The following CIB2 variants were observed in gnomAD, a reference collection of about 807,000 sequenced individuals.
CIB2 encodes calcium and integrin binding family member 2.
CIB2 carries 19 observed loss-of-function variants against 23.1 expected under a neutral mutation model. That is an observed-to-expected ratio of 0.82 (90% confidence interval 0.57 to 1.21). The LOEUF is 1.21. Among genes scored for constraint, CIB2 ranks in the 50% most tolerant of loss-of-function variants. CIB2 has a pLI of 0.00. For missense variants in CIB2, 220 were observed against 241.5 expected (o/e 0.91, Z 0.59); for synonymous variants, 94 against 91.7 (o/e 1.03, Z -0.14).
intron 1 of CIB2, among the ~76,000 whole-genome samples, chr15:78,127,168 C>G (rs2074392581): frequency 6.6e-6 from 1 of 152,180 alleles, no homozygotes; most frequent in South Asian, 2.1e-4. Flanking sequence ...GTCCCAAAGG[C>G]ATCTCCCCAG....
At chr15:78,118,809 C>T (rs1028776736) in intron 2 of CIB2, among the ~76,000 whole-genome samples, 4 of 152,098 alleles carry the variant, frequency 2.6e-5, no homozygotes, top group African/African-American at 7.2e-5. Context: ...AAAACTGAAA[C>T]TCTGTACTAA....
intron 2 of CIB2, among the ~76,000 whole-genome samples, chr15:78,116,002 G>GA (rs111776723): frequency 0.093 from 13,887 of 148,528 alleles, 701 homozygotes; most frequent in Non-Finnish European, 0.13. Flanking sequence ...AAAATATTTG[G>GA]AAAAAAAAAA....
rs1425021799 is a variant in CIB2 at position 78,131,118 on chromosome 15, G to A, written c.51+47C>T. 2 of 1,510,654 alleles carry A rather than the reference G, an allele frequency of 1.3e-6. No individual in the cohort carries two copies. Among genetic ancestry groups the A allele is most frequent in the Non-Finnish European group, 1.8e-6 (2 of 1,119,276 alleles). The allele number at this position is 1,510,654 out of a possible 1,614,324, so 93.6% of individuals were successfully genotyped here. ...CCAGCGACCGAGAAAAGGGAGGGGCGGCGGGGCGGCGGGGCCTGTGTTGGG... is the reference window on the plus strand; with the variant it reads ...CCAGCGACCGAGAAAAGGGAGGGGCAGCGGGGCGGCGGGGCCTGTGTTGGG... On this transcript the variant is annotated intron_variant, in intron 1 of 5. Coordinates refer to ENST00000258930, the MANE Select transcript of CIB2 (RefSeq NM_006383.4). This position sits in a 1 kb window ranked among gnomAD's most constrained non-coding sequence, Gnocchi z 5.8.
intron 2 of CIB2, among the ~76,000 whole-genome samples, chr15:78,116,883 C>A (rs920973947): frequency 6.6e-6 from 1 of 151,452 alleles, no homozygotes; most frequent in Non-Finnish European, 1.5e-5. Flanking sequence ...GAGTTTGAGA[C>A]CAGCCTGGGC....
chr15:78,121,553 A>C (rs1332732649), intron 2 of CIB2, among the ~76,000 whole-genome samples: 1 of 152,160 alleles, frequency 6.6e-6, no homozygotes, highest in Non-Finnish European at 1.5e-5. Context: ...TAATTGAATC[A>C]TGGGGGCAGT....
At chr15:78,109,193 C>T (rs1410664233) in intron 4 of CIB2, 42 bp downstream of exon 4, 52 of 1,063,334 alleles carry the variant, frequency 4.9e-5, no homozygotes, top group South Asian at 1.7e-4. Context: ...CCCACATGTT[C>T]CCCCACCGCA....
chr15:78,128,192 T>C (rs533387380), intron 1 of CIB2, among the ~76,000 whole-genome samples: 2 of 152,040 alleles, frequency 1.3e-5, no homozygotes, highest in Admixed American at 6.5e-5. Context: ...GCTGAATGGA[T>C]TGGTGGAGAG....
At chr15:78,125,351 G>A (rs2074368205) in intron 1 of CIB2, among the ~76,000 whole-genome samples, 1 of 152,162 alleles carries the variant, frequency 6.6e-6, no homozygotes, top group Non-Finnish European at 1.5e-5. Flanking sequence ...CACCTAGCCT[G>A]GAGGAGGCAG....
chr15:78,108,162 C>T (rs1433306716), intron 4 of CIB2, among the ~76,000 whole-genome samples: 4 of 141,228 alleles, frequency 2.8e-5, no homozygotes, highest in African/African-American at 5.4e-5. Flanking sequence ...CGAGATCACA[C>T]GATTGCACTC....
At chr15:78,113,434 T>C (rs555736289) in intron 2 of CIB2, among the ~76,000 whole-genome samples, 1 of 152,258 alleles carries the variant, frequency 6.6e-6, no homozygotes, top group East Asian at 1.9e-4. Flanking sequence ...TTTGCTCCTA[T>C]TTCTTGCATA....
chr15:78,109,321 G>A lies in CIB2; in HGVS notation c.260C>T (p.Thr87Ile), dbSNP rs2074119577. 1 of 1,614,030 alleles carries A rather than the reference G, an allele frequency of 6.2e-7. No individual in the cohort carries two copies. Residue 87 changes from threonine to isoleucine, a missense_variant, in exon 4 of 6, where the codon ACT becomes ATT. Transcript: ENST00000258930. The stretch of plus-strand genomic sequence containing the variant: ...AAACATGTCCACAAAGTCGTTGAAA[G>A]TGAGGTTCCCCTCACCATCCTCGGA... ...AFSEDGEGNLTFNDFVDMFSV... is the reference protein window; with the variant it reads ...AFSEDGEGNLIFNDFVDMFSV...
At position 78,105,246 on chromosome 15, in the gene CIB2, C is replaced by A; in HGVS notation, c.*65G>T. On this transcript the variant is annotated 3_prime_UTR_variant, in exon 6 of 6. Coordinates refer to ENST00000258930, the MANE Select transcript of CIB2 (RefSeq NM_006383.4). ...ACTGCTTTCCTGGGGAGCTTGGAGGCCACACCCATGTGACTGCAGGGCAGG... is the reference window on the plus strand; with the variant it reads ...ACTGCTTTCCTGGGGAGCTTGGAGGACACACCCATGTGACTGCAGGGCAGG... 6.2e-7 allele frequency: 1 copy of A among 1,608,496 alleles called. No individual in the cohort carries two copies.
Position 78,105,232 on chromosome 15 carries a change from G to T in CIB2, c.*79C>A. On this transcript the variant is annotated 3_prime_UTR_variant, in exon 6 of 6. Coordinates refer to ENST00000258930, the MANE Select transcript of CIB2 (RefSeq NM_006383.4). ...CCCCAGAGGCTGCCACTGCTTTCCT[G>T]GGGAGCTTGGAGGCCACACCCATGT... 1 of 1,591,000 alleles carries T rather than the reference G, an allele frequency of 6.3e-7. No individual in the cohort carries two copies. The highest frequency in any genetic ancestry group is 8.6e-7 in the Non-Finnish European group (1 of 1,162,200).
chr15:78,130,012 G>A (rs2074432622), intron 1 of CIB2, among the ~76,000 whole-genome samples: 1 of 152,158 alleles, frequency 6.6e-6, no homozygotes, highest in African/African-American at 2.4e-5. Context: ...GGGCTTCTAG[G>A]AGGAGAAGGG....
At chr15:78,129,336 A>C (rs943108173) in intron 1 of CIB2, among the ~76,000 whole-genome samples, 5 of 152,120 alleles carry the variant, frequency 3.3e-5, no homozygotes, top group Non-Finnish European at 5.9e-5. Context: ...GAATCAGAAC[A>C]TAACACTGGG....
chr15:78,122,003 T>TC (rs1477208049), intron 2 of CIB2, among the ~76,000 whole-genome samples: 8 of 152,140 alleles, frequency 5.3e-5, no homozygotes, highest in Non-Finnish European at 1.0e-4. Flanking sequence ...TGGAATGTTC[T>TC]CCCTCAGCCA....
At chr15:78,108,139 G>C (rs1316746349) in intron 4 of CIB2, among the ~76,000 whole-genome samples, 2 of 148,240 alleles carry the variant, frequency 1.3e-5, no homozygotes, top group African/African-American at 5.0e-5. Context: ...GGGAGGCAGA[G>C]GTTGCAGTGA....
intron 1 of CIB2, among the ~76,000 whole-genome samples, chr15:78,126,138 C>A (rs1379146790): frequency 1.5e-5 from 2 of 134,284 alleles, no homozygotes; most frequent in African/African-American, 5.9e-5. Context: ...TCCCTTTCCC[C>A]TGCCCCCCCC....
intron 5 of CIB2, 81 bp downstream of exon 5, chr15:78,105,658 C>T (rs577495864): frequency 7.4e-5 from 119 of 1,604,616 alleles, no homozygotes; most frequent in African/African-American, 3.5e-4. Context: ...TCACAAATAG[C>T]GAGTGATAGG....
Sources: allele counts gnomAD v4.1 joint callset (sites outside exome capture counted in the v4.1 genomes callset), GRCh38; gene constraint gnomAD v4.1.1; non-coding constraint Gnocchi (gnomAD v3.1); transcripts MANE v1.5; gene names NCBI Gene and HGNC (gene_info 2026-07-23, HGNC 2026-07-21).